Variants in SCLY observed in about 807,000 individuals in gnomAD.
The protein encoded by SCLY is putative selenocysteine lyase.
In SCLY, 38 loss-of-function variants were observed where a neutral mutation model predicts 50.1. The ratio of observed to expected loss-of-function variants is 0.76; its 90% confidence interval spans 0.59 to 0.99. The LOEUF is 0.99. Among genes scored for constraint, SCLY ranks in the 50% least tolerant of loss-of-function variants. SCLY has a pLI of 0.00. For missense variants in SCLY, 600 were observed against 620.0 expected (o/e 0.97, Z 0.34); for synonymous variants, 243 against 249.4 (o/e 0.97, Z 0.24).
chr2:238,083,124 C>A lies in SCLY; in HGVS notation c.778-124C>A. ...AAAGGGGTGGCACTCAGAGGCGCCA[C>A]AAGGAAGCAGCAGGACTATGCATTG... On this transcript the variant is annotated intron_variant, in intron 6 of 11. Transcript: ENST00000254663. This position sits in a 1 kb window ranked among gnomAD's most constrained non-coding sequence, Gnocchi z 4.3. The A allele has an allele frequency of 1.3e-6, 1 of 791,146 alleles. No individual in the cohort carries two copies. The highest frequency in any genetic ancestry group is 2.3e-6 in the Non-Finnish European group (1 of 443,748). 49.0% of individuals were successfully genotyped at this position (791,146 alleles called of 1,614,324 possible).
rs1374952817 is a variant in SCLY, at chr2:238,098,837, AT to A, written c.*489del. On this transcript the variant is annotated 3_prime_UTR_variant, in exon 12 of 12. Coordinates refer to ENST00000254663, the MANE Select transcript of SCLY (RefSeq NM_016510.7). ...TGCTATCATGAACGTAGGAAACTTGATTTTTTTGTTTTGATCATGGCCTCTA... is the reference window on the plus strand; with the variant it reads ...TGCTATCATGAACGTAGGAAACTTGATTTTTTGTTTTGATCATGGCCTCTA... The A allele has an allele frequency of 1.0e-5, 3 of 295,988 alleles. No individual in the cohort carries two copies. Among genetic ancestry groups the A allele is most frequent in the East Asian group, 5.7e-5 (1 of 17,690 alleles). 18.3% of individuals were successfully genotyped at this position (295,988 alleles called of 1,614,324 possible).
chr2:238,069,034 A>G lies in SCLY; in HGVS notation c.304-263A>G, dbSNP rs1183165074. ...CATAATATTCTATGCATATAACCAC[A>G]CTGCACTTATACCAATACATTTATA... On this transcript the variant is annotated intron_variant, in intron 3 of 11. Transcript: ENST00000254663. This position sits in a 1 kb window ranked among gnomAD's most constrained non-coding sequence, Gnocchi z 5.0. 3.3e-5 allele frequency among the ~76,000 whole-genome samples: 5 copies of G among 152,244 alleles called. No homozygotes were observed. The highest frequency in any genetic ancestry group is 3.3e-4 in the Admixed American group (5 of 15,288).
intron 8 of SCLY, chr2:238,091,540 GCAGGTTCACC>G: frequency 2.2e-5 from 8 of 358,332 alleles, no homozygotes; most frequent in Admixed American, 1.8e-4. Context: ...GTGTCAAGCT[GCAGGTTCACC>G]ATTCCCAAAG....
At chr2:238,093,591 C>G (rs2065392519) in intron 8 of SCLY, 1 of 478,620 alleles carries the variant, frequency 2.1e-6, no homozygotes, top group Non-Finnish European at 3.8e-6. Context: ...CCGTCTGCCT[C>G]TCTGGGATGC....
intron 4 of SCLY, among the ~76,000 whole-genome samples, chr2:238,076,083 G>C (rs1410435529): frequency 7.1e-6 from 1 of 141,620 alleles, no homozygotes; most frequent in East Asian, 2.1e-4. Flanking sequence ...TAAGGTGGAA[G>C]ATTAGTTATG....
intron 4 of SCLY, among the ~76,000 whole-genome samples, chr2:238,075,384 G>GCTTTT (rs1268225703): frequency 1.3e-5 from 2 of 152,138 alleles, no homozygotes; most frequent in African/African-American, 2.4e-5. Context: ...GGTAAAATTT[G>GCTTTT]CCCCATATAA....
chr2:238,084,767 TC>T lies in SCLY; in HGVS notation c.884+1415del, dbSNP rs372636266. Among the ~76,000 whole-genome samples, 482 of 136,922 alleles carry T rather than the reference TC, an allele frequency of 3.5e-3. 1 individual carries two copies. Among genetic ancestry groups the T allele is most frequent in the African/African-American group, 0.012 (421 of 36,240 alleles). 89.8% of individuals were successfully genotyped at this position (136,922 alleles called of 152,430 possible). On this transcript the variant is annotated intron_variant, in intron 7 of 11. Transcript: ENST00000254663. The stretch of plus-strand genomic sequence containing the variant: ...AAATTAGCCAGGCGTGGTGGTGTGT[TC>T]CTGTAATCCCAGCTACTCGGGAGGC...
intron 4 of SCLY, among the ~76,000 whole-genome samples, chr2:238,070,998 ATT>A (rs1302250633): frequency 6.6e-6 from 1 of 151,756 alleles, no homozygotes; most frequent in East Asian, 2.0e-4. Context: ...TGCCCGGCTG[ATT>A]TTTATATTTT....
Position 238,064,334 on chromosome 2 carries a change from T to C in SCLY, c.90-23T>C, listed in dbSNP as rs200072357. Reference sequence around the variant, plus strand: ...ATGCCATCTCCTTTTCCTTAATGGGTGTCTTTGCTTTCTTTCCTTCAGGAA... The same window carrying C: ...ATGCCATCTCCTTTTCCTTAATGGGCGTCTTTGCTTTCTTTCCTTCAGGAA... On this transcript the variant is annotated intron_variant, in intron 1 of 11. Coordinates refer to ENST00000254663, the MANE Select transcript of SCLY (RefSeq NM_016510.7). The C allele has an allele frequency of 6.3e-4, 936 of 1,492,392 alleles. 5 individuals are homozygous for C. Among genetic ancestry groups the C allele is most frequent in the Non-Finnish European group, 3.7e-5 (40 of 1,086,490 alleles). The allele number at this position is 1,492,392 out of a possible 1,614,324, so 92.4% of individuals were successfully genotyped here. A position where few individuals can be genotyped will look rare whatever the true frequency, so the allele number is the denominator to read the frequency against.
At chr2:238,086,708 TAAAA>T (rs386393003) in intron 7 of SCLY, among the ~76,000 whole-genome samples, 16 of 97,710 alleles carry the variant, frequency 1.6e-4, no homozygotes, top group East Asian at 3.0e-4. Context: ...CCTGTCTCTT[TAAAA>T]AAAAAAAAAA....
At chr2:238,076,087 A>C (rs1217066016) in intron 4 of SCLY, among the ~76,000 whole-genome samples, 1 of 127,010 alleles carries the variant, frequency 7.9e-6, no homozygotes, top group Non-Finnish European at 1.7e-5. Context: ...GTGGAAGATT[A>C]GTTATGATTT....
intron 1 of SCLY, 136 bp from the exon 2 acceptor site, chr2:238,064,221 C>T: frequency 2.2e-6 from 1 of 445,798 alleles, no homozygotes; most frequent in Middle Eastern, 3.0e-4. Flanking sequence ...CTTGTGGATG[C>T]CTGCAGTGCT....
Position 238,081,711 on chromosome 2 carries a change from G to C in SCLY, c.487G>C (p.Val163Leu), listed in dbSNP as rs1427881065. ...CGGTACTCATGTTTGTTTCCCAGCG[G>C]TCACCTTTGTCCCGGTGTCCAAGGT... ...EHLVEEQVAA[V>L]TFVPVSKVSG... Residue 163 changes from valine (V) to leucine (L), a missense_variant and splice_region_variant, in exon 5 of 12, where the codon GTC (valine) becomes CTC (leucine). Physicochemically the swap from Val to Leu is conservative, Grantham distance 32 (BLOSUM62 1). Transcript: ENST00000254663. 6.2e-7 allele frequency: 1 copy of C among 1,613,258 alleles called. No individual in the cohort carries two copies. Among genetic ancestry groups the C allele is most frequent in the Non-Finnish European group, 8.5e-7 (1 of 1,179,230 alleles).
In SCLY at chr2:238,098,657, A is replaced by G. The variant is rs570964552; in HGVS notation, c.*302A>G. On this transcript the variant is annotated 3_prime_UTR_variant, in exon 12 of 12. Transcript: ENST00000254663. ...TGGGACCGCCCACATGGGACCGCCC[A>G]CATAGAACCGTCCTCCAGTGGTGAA... is the stretch of plus-strand genomic sequence containing the variant. 31 of 440,636 alleles carry G rather than the reference A, an allele frequency of 7.0e-5. 1 individual carries two copies. The highest frequency in any genetic ancestry group is 6.1e-4 in the African/African-American group (30 of 49,378). 27.3% of individuals were successfully genotyped at this position (440,636 alleles called of 1,614,324 possible).
chr2:238,068,737 C>T (rs1039144892), intron 3 of SCLY, among the ~76,000 whole-genome samples: 1 of 152,222 alleles, frequency 6.6e-6, no homozygotes, highest in African/African-American at 2.4e-5. Context: ...CAGTCCTTTT[C>T]ATCCCTAATT....
At chr2:238,077,555 T>G (rs1355508122) in intron 4 of SCLY, among the ~76,000 whole-genome samples, 2 of 152,214 alleles carry the variant, frequency 1.3e-5, no homozygotes, top group African/African-American at 4.8e-5. Context: ...TAAGACCACC[T>G]CAGCATAGAT....
intron 6 of SCLY, chr2:238,082,607 G>T: frequency 5.2e-6 from 1 of 193,200 alleles, no homozygotes; most frequent in Non-Finnish European, 1.1e-5. Flanking sequence ...TTTCTCTAAT[G>T]TGATTTCAGA....
At position 238,069,470 on chromosome 2, in the gene SCLY, A is replaced by T. The variant is rs779450765; in HGVS notation, c.477A>T (p.Gln159His). Reference protein sequence around the residue: ...RLPLEHLVEEQVAAVTFVPVS... With the variant: ...RLPLEHLVEEHVAAVTFVPVS... ...CCCTGGAGCACCTGGTGGAAGAACA[A>T]GTGGCAGGTGAGTGAGTGCAGGGTG... The change falls in exon 4 of 12, where the codon CAA becomes CAT. Residue 159 changes from glutamine to histidine, a missense_variant. Transcript: ENST00000254663. The surrounding 1 kb of genome is among the most constrained non-coding windows in gnomAD (Gnocchi z 5.0). The T allele has an allele frequency of 8.7e-6, 14 of 1,611,652 alleles. No individual in the cohort carries two copies. The Admixed American group carries it at 2.4e-4, about 27-fold the overall frequency.
Position 238,069,463 on chromosome 2 carries a change from A to G in SCLY, c.470A>G (p.Glu157Gly). 1 of 1,612,240 alleles carries G rather than the reference A, an allele frequency of 6.2e-7. No homozygotes were observed. Among genetic ancestry groups the G allele is most frequent in the South Asian group, 1.1e-5 (1 of 90,908 alleles). ...CGGCTGCCCCTGGAGCACCTGGTGG[A>G]AGAACAAGTGGCAGGTGAGTGAGTG... Reference protein sequence around the residue: ...SIRLPLEHLVEEQVAAVTFVP... With the variant: ...SIRLPLEHLVGEQVAAVTFVP... The change falls in exon 4 of 12, where the codon GAA (glutamate) becomes GGA (glycine). Residue 157 changes from glutamate (E) to glycine (G), a missense_variant. Transcript: ENST00000254663. The surrounding 1 kb of genome is among the most constrained non-coding windows in gnomAD (Gnocchi z 5.0).
Sources: gnomAD v4.1 joint callset for allele counts (sites outside exome capture counted in the v4.1 genomes callset) on GRCh38, gnomAD v4.1.1 for gene constraint, Gnocchi (gnomAD v3.1) non-coding constraint, MANE v1.5 for transcripts, NCBI Gene and HGNC (gene_info 2026-07-23, HGNC 2026-07-21) for gene names.